Variants in ITGAE observed in about 807,000 individuals in gnomAD.
ITGAE encodes the protein integrin alpha-E.
ITGAE carries 99 observed loss-of-function variants against 136.5 expected under a neutral mutation model. That is an observed-to-expected ratio of 0.73 (90% CI 0.62 to 0.86). The LOEUF is 0.86. Ranked by LOEUF, ITGAE falls within the 40% of genes least tolerant of loss-of-function variation. The probability of loss-of-function intolerance (pLI) is 0.00; values close to 1 mark genes in which losing one functional copy is unlikely to be tolerated. For missense variants in ITGAE, 1,447 were observed against 1,515.3 expected (o/e 0.95, Z 0.75); for synonymous variants, 613 against 591.8 (o/e 1.04, Z -0.52).
intron 15 of ITGAE, 141 bp from the exon 16 acceptor site, chr17:3,750,623 A>G (rs2051842393): frequency 2.0e-6 from 2 of 985,242 alleles, no homozygotes; most frequent in South Asian, 3.4e-5. Context: ...GGAAAGAGGG[A>G]GCAAGCTTTC....
intron 1 of ITGAE, among the ~76,000 whole-genome samples, chr17:3,783,790 A>T (rs1421398847): frequency 6.6e-6 from 1 of 152,266 alleles, no homozygotes; most frequent in Non-Finnish European, 1.5e-5. Context: ...ATATATGCAC[A>T]CAAATATGTT....
intron 2 of ITGAE, among the ~76,000 whole-genome samples, chr17:3,776,470 C>T (rs1274408209): frequency 3.3e-5 from 5 of 152,194 alleles, no homozygotes; most frequent in African/African-American, 9.6e-5. Context: ...AGCTCAGGCC[C>T]GAGCACCTTG....
chr17:3,723,771 C>T (rs770043223), intron 26 of ITGAE, 27 bp from the exon 27 acceptor site: 45 of 1,603,726 alleles, frequency 2.8e-5, no homozygotes, highest in Non-Finnish European at 3.7e-5. Flanking sequence ...GACCGCGACG[C>T]GCTGAACAAA....
chr17:3,788,989 T>A, intron 1 of ITGAE, among the ~76,000 whole-genome samples: 1 of 152,038 alleles, frequency 6.6e-6, no homozygotes, highest in African/African-American at 2.4e-5. Flanking sequence ...CTCACGCCTG[T>A]AATCCCAGCA....
chr17:3,739,968 G>T, intron 19 of ITGAE, 90 bp from the exon 20 acceptor site: 1 of 1,034,058 alleles, frequency 9.7e-7, no homozygotes. Flanking sequence ...GAAGTTTTGG[G>T]CTGTGCCTCC....
At chr17:3,725,915 C>A (rs1567513524) in intron 26 of ITGAE, 2 of 1,613,408 alleles carry the variant, frequency 1.2e-6, no homozygotes, top group South Asian at 2.2e-5. Flanking sequence ...TAAAGAAAAC[C>A]AGCCTCAAAA....
In ITGAE at chr17:3,741,640, C is replaced by T. The variant is rs953010514; in HGVS notation, c.2449-1762G>A. 4.6e-5 allele frequency among the ~76,000 whole-genome samples: 7 copies of T among 152,278 alleles called. No individual in the cohort carries two copies. In the East Asian group the frequency reaches 5.8e-4, roughly 13 times the overall value. ...AAAGAGATGTTAAGCAGGATACAAT[C>T]GCAAGGCATCTCACCATAAAATGAG... On this transcript the variant is annotated intron_variant, in intron 19 of 30. Coordinates refer to ENST00000263087, the MANE Select transcript of ITGAE (RefSeq NM_002208.5).
At chr17:3,720,460 G>A in intron 28 of ITGAE, 58 bp from the exon 29 acceptor site, 1 of 807,044 alleles carries the variant, frequency 1.2e-6, no homozygotes, top group Non-Finnish European at 2.2e-6. Flanking sequence ...TGAACTCACT[G>A]TGTTTGAACA....
At chr17:3,782,230 G>A (rs1048345786) in intron 1 of ITGAE, among the ~76,000 whole-genome samples, 9 of 135,206 alleles carry the variant, frequency 6.7e-5, no homozygotes, top group Non-Finnish European at 1.4e-4. Flanking sequence ...AACTGACATC[G>A]CGCCATTGCA....
chr17:3,750,017 G>GA lies in ITGAE; in HGVS notation c.2024+334dup, dbSNP rs201429592. Among the ~76,000 whole-genome samples, 786 of 151,588 alleles carry GA rather than the reference G, an allele frequency of 5.2e-3. 5 individuals carry two copies. Among genetic ancestry groups the GA allele is most frequent in the African/African-American group, 0.017 (687 of 41,324 alleles). ...GGCAAAAGAGGAAGACTCCGCCTCA[G>GA]AAAAAAAACAAAAAACAAAAAACTC... On this transcript the variant is annotated intron_variant, in intron 16 of 30. Transcript: ENST00000263087.
chr17:3,762,314 T>C (rs1391869208), intron 3 of ITGAE, among the ~76,000 whole-genome samples: 1 of 152,046 alleles, frequency 6.6e-6, no homozygotes, highest in Non-Finnish European at 1.5e-5. Context: ...GTCGGGCAGG[T>C]GGGTGGAGAA....
At chr17:3,765,305 C>T (rs898203961) in intron 2 of ITGAE, among the ~76,000 whole-genome samples, 6 of 141,356 alleles carry the variant, frequency 4.2e-5, no homozygotes, top group Non-Finnish European at 7.5e-5. Flanking sequence ...GCCGAGATCA[C>T]GCCACTGAAC....
chr17:3,756,330 G>A (rs960904691), intron 10 of ITGAE, among the ~76,000 whole-genome samples: 2 of 146,244 alleles, frequency 1.4e-5, no homozygotes, highest in South Asian at 2.2e-4. Context: ...GCCTCCCAAG[G>A]TCAAGTGACC....
chr17:3,728,244 C>G (rs530649877), intron 24 of ITGAE, 76 bp from the exon 25 acceptor site: 2 of 1,139,740 alleles, frequency 1.8e-6, no homozygotes, highest in African/African-American at 3.1e-5. Context: ...CACTCTGTTG[C>G]CCAGGCTAGA....
intron 1 of ITGAE, among the ~76,000 whole-genome samples, chr17:3,781,555 C>G (rs1465551065): frequency 6.6e-6 from 1 of 152,100 alleles, no homozygotes; most frequent in African/African-American, 2.4e-5. Context: ...CGGGGTTTCA[C>G]CACGTTGGCC....
chr17:3,763,790 A>G, intron 3 of ITGAE, 79 bp downstream of exon 3: 1 of 1,128,156 alleles, frequency 8.9e-7, no homozygotes, highest in Non-Finnish European at 1.3e-6. Flanking sequence ...TGGGGTTGGA[A>G]TGGTTTGAGT....
chr17:3,717,456 C>G (rs138668165), intron 29 of ITGAE: 1 of 152,310 alleles, frequency 6.6e-6, no homozygotes, highest in East Asian at 1.9e-4. Flanking sequence ...CTCCCAATTT[C>G]GGGAGTCTAA....
In ITGAE at chr17:3,756,908, C is replaced by T. The variant is rs1381159826; in HGVS notation, c.1171+76G>A. The T allele has an allele frequency of 9.4e-6, 14 of 1,490,446 alleles. No homozygotes were observed. In the Admixed American group the frequency reaches 1.9e-4, roughly 20 times the overall value. The allele number at this position is 1,490,446 out of a possible 1,614,324, so 92.3% of individuals were successfully genotyped here. On this transcript the variant is annotated intron_variant, in intron 10 of 30. Coordinates refer to ENST00000263087, the MANE Select transcript of ITGAE (RefSeq NM_002208.5). ...TGATGGGAGTTGCTCAGAGAAACCACATGAAGATGGGACAGAGGCCGGGCT... is the reference window on the plus strand; with the variant it reads ...TGATGGGAGTTGCTCAGAGAAACCATATGAAGATGGGACAGAGGCCGGGCT...
At chr17:3,741,108 C>T (rs1327544286) in intron 19 of ITGAE, among the ~76,000 whole-genome samples, 4 of 123,540 alleles carry the variant, frequency 3.2e-5, no homozygotes, top group African/African-American at 6.2e-5. Context: ...GACGGAGTCT[C>T]GCTCTGTCGC....
Sources: gnomAD v4.1 joint callset for allele counts (sites outside exome capture counted in the v4.1 genomes callset) on GRCh38, gnomAD v4.1.1 for gene constraint, MANE v1.5 for transcripts, NCBI Gene and HGNC (gene_info 2026-07-23, HGNC 2026-07-21) for gene names.